The following ADCY7 variants were observed in gnomAD, a reference collection of about 807,000 sequenced individuals.
The protein encoded by ADCY7 is adenylate cyclase 7, also known as adenylate cyclase type 7.
ADCY7 carries 72 observed loss-of-function variants against 120.6 expected under a neutral mutation model. The ratio of observed to expected loss-of-function variants is 0.60; its 90% confidence interval spans 0.49 to 0.73. ADCY7 has a LOEUF of 0.73. Ranked by LOEUF, ADCY7 falls within the 30% of genes least tolerant of loss-of-function variation. The pLI is 0.00. For synonymous variants in ADCY7, 661 were observed against 628.0 expected (o/e 1.05, Z -0.78); for missense variants, 1,227 against 1,486.0 (o/e 0.83, Z 2.87).
intron 10 of ADCY7, among the ~76,000 whole-genome samples, chr16:50,302,403 C>T (rs564582769): frequency 4.3e-4 from 66 of 152,308 alleles, no homozygotes; most frequent in African/African-American, 1.6e-3. Flanking sequence ...CAGGAGGCTC[C>T]AAAATCCACC....
At chr16:50,313,449 C>A in intron 22 of ADCY7, 1 of 182,442 alleles carries the variant, frequency 5.5e-6, no homozygotes, top group South Asian at 1.3e-4. Context: ...AAAAAAACGA[C>A]GTGGCCCGCC....
At chr16:50,300,479 C>T (rs140258157) in intron 8 of ADCY7, among the ~76,000 whole-genome samples, 85 of 152,344 alleles carry the variant, frequency 5.6e-4, no homozygotes, top group African/African-American at 1.7e-3. Context: ...GGAATTCCTC[C>T]TCCCTCCTAC....
At chr16:50,275,382 C>T (rs913445916) in intron 1 of ADCY7, among the ~76,000 whole-genome samples, 2 of 152,210 alleles carry the variant, frequency 1.3e-5, no homozygotes, top group African/African-American at 4.8e-5. Context: ...GGCTAGTGGG[C>T]TCTACAGGCC....
intron 10 of ADCY7, among the ~76,000 whole-genome samples, chr16:50,302,926 G>A (rs1257900961): frequency 2.0e-5 from 3 of 152,264 alleles, no homozygotes; most frequent in African/African-American, 7.2e-5. Context: ...TTACGCCATT[G>A]CTGTGTGGCC....
intron 1 of ADCY7, 162 bp from the exon 2 acceptor site, chr16:50,287,750 A>G (rs2150943509): frequency 6.2e-6 from 1 of 160,442 alleles, no homozygotes; most frequent in South Asian, 1.9e-4. Context: ...CCTAGAAGAC[A>G]CAGGGGACTA....
At chr16:50,298,396 TGA>T (rs1299278343) in intron 7 of ADCY7, among the ~76,000 whole-genome samples, 3 of 152,156 alleles carry the variant, frequency 2.0e-5, no homozygotes, top group African/African-American at 7.2e-5. Context: ...ATTCCAACTC[TGA>T]GAGGTCTTCG....
At chr16:50,314,430 G>C (rs1334103410) in intron 24 of ADCY7, 24 bp downstream of exon 24, 6 of 1,595,818 alleles carry the variant, frequency 3.8e-6, no homozygotes, top group Non-Finnish European at 5.1e-6. Flanking sequence ...ATGGAGCGGG[G>C]TGGGGAGCCC....
intron 1 of ADCY7, among the ~76,000 whole-genome samples, chr16:50,255,098 C>T (rs1308411678): frequency 9.9e-6 from 1 of 101,510 alleles, no homozygotes; most frequent in Non-Finnish European, 1.9e-5. Context: ...CTAGCCTGGG[C>T]AACATAGCAA....
intron 7 of ADCY7, among the ~76,000 whole-genome samples, chr16:50,296,912 C>T (rs1018551099): frequency 6.6e-6 from 1 of 152,352 alleles, no homozygotes; most frequent in Middle Eastern, 3.4e-3. Flanking sequence ...GCCTGTCTAG[C>T]CTGGAACCTT....
At chr16:50,306,347 C>T (rs900523570) in intron 14 of ADCY7, among the ~76,000 whole-genome samples, 1 of 152,288 alleles carries the variant, frequency 6.6e-6, no homozygotes, top group East Asian at 1.9e-4. Context: ...GCTGCTATAC[C>T]ACTTCACAGA....
At chr16:50,244,962 C>T (rs947967455), upstream of ADCY7, among the ~76,000 whole-genome samples, 10 of 152,218 alleles carry the variant, frequency 6.6e-5, no homozygotes, top group African/African-American at 2.4e-4. Context: ...TGGGACCTCT[C>T]TGTGGCCATC....
rs1300546546 is a variant in ADCY7 at position 50,297,720 on chromosome 16, A to G, written c.949-1184A>G. On this transcript the variant is annotated intron_variant, in intron 7 of 25. Coordinates refer to ENST00000673801, the MANE Select transcript of ADCY7 (RefSeq NM_001114.5). The surrounding 1 kb of genome is among the most constrained non-coding windows in gnomAD (Gnocchi z 4.4). ...ATGGGCACAGAGTAGGGACGAGGAC[A>G]GGATAGGCTCGAGTCCTGGAGACAG... 1.3e-5 allele frequency among the ~76,000 whole-genome samples: 2 copies of G among 152,168 alleles called. No homozygotes were observed. The highest frequency in any genetic ancestry group is 2.9e-5 in the Non-Finnish European group (2 of 68,012).
At position 50,302,319 on chromosome 16, in the gene ADCY7, C is replaced by T. The variant is rs1029286879; in HGVS notation, c.1368+1105C>T. On this transcript the variant is annotated intron_variant, in intron 10 of 25. Transcript: ENST00000673801. ...CTCTCCAGGCTGCAGCCCCCCACCC[C>T]GTGCTGAGATGGATGCCCGGCTCGA... Among the ~76,000 whole-genome samples the T allele has an allele frequency of 5.7e-4, 86 of 152,118 alleles. 2 individuals are homozygous for T. The highest frequency in any genetic ancestry group is 4.0e-4 in the Non-Finnish European group (27 of 68,028).
intron 1 of ADCY7, among the ~76,000 whole-genome samples, chr16:50,287,076 C>A (rs1291071468): frequency 6.6e-6 from 1 of 151,178 alleles, no homozygotes; most frequent in Non-Finnish European, 1.5e-5. Flanking sequence ...GATGCAATGG[C>A]ACGATCTCAG....
At chr16:50,290,825 G>A (rs2034903290) in intron 3 of ADCY7, among the ~76,000 whole-genome samples, 165 bp downstream of exon 3, 1 of 152,244 alleles carries the variant, frequency 6.6e-6, no homozygotes, top group Non-Finnish European at 1.5e-5. Flanking sequence ...CAGGGCTGAG[G>A]TGGGGAGAGC....
intron 7 of ADCY7, among the ~76,000 whole-genome samples, 172 bp downstream of exon 7, chr16:50,294,923 G>A (rs961351957): frequency 3.9e-5 from 6 of 152,314 alleles, no homozygotes; most frequent in Admixed American, 3.9e-4. Flanking sequence ...GGTGAGTGGT[G>A]GCCACGGCAG....
intron 10 of ADCY7, 122 bp downstream of exon 10, chr16:50,301,336 C>T: frequency 7.4e-7 from 1 of 1,351,572 alleles, no homozygotes; most frequent in African/African-American, 1.5e-5. Context: ...AGGGCCCTGC[C>T]TGGGCAGGAG....
At chr16:50,310,224 T>TGG (rs903138018) in intron 18 of ADCY7, among the ~76,000 whole-genome samples, 13 of 150,634 alleles carry the variant, frequency 8.6e-5, no homozygotes, top group African/African-American at 3.2e-4. Context: ...GGAGAGGGAG[T>TGG]GGGGAGAACT....
In ADCY7 at chr16:50,310,891, G is replaced by GCCCGTC. The variant is rs774120850; in HGVS notation, c.2354+21_2354+26dup. 1.8e-5 allele frequency: 29 copies of GCCCGTC among 1,573,920 alleles called. No homozygotes were observed. Among genetic ancestry groups the GCCCGTC allele is most frequent in the Non-Finnish European group, 2.3e-5 (27 of 1,162,054 alleles). ...CAACGGCACCACCAGGTGGGGTCCC[G>GCCCGTC]CCCGTCCCCGTCCCCATCCCCATGG... On this transcript the variant is annotated intron_variant, in intron 19 of 25. Transcript: ENST00000673801.
Sources: allele counts gnomAD v4.1 joint callset (sites outside exome capture counted in the v4.1 genomes callset), GRCh38; gene constraint gnomAD v4.1.1; non-coding constraint Gnocchi (gnomAD v3.1); transcripts MANE v1.5; gene names NCBI Gene and HGNC (gene_info 2026-07-23, HGNC 2026-07-21).